The following KHDRBS2 variants were observed in gnomAD, a reference collection of about 807,000 sequenced individuals.
KHDRBS2 encodes the protein KH domain-containing, RNA-binding, signal transduction-associated protein 2.
Under a neutral mutation model 44.3 loss-of-function variants are expected in KHDRBS2, and 26 were observed. That is an observed-to-expected ratio of 0.59 (90% confidence interval 0.43 to 0.81). The LOEUF is 0.81. Ranked by LOEUF, KHDRBS2 falls within the 40% of genes least tolerant of loss-of-function variation. The pLI, the probability that KHDRBS2 is intolerant of heterozygous loss-of-function variation, is 0.00. For synonymous variants in KHDRBS2, 194 were observed against 151.1 expected, an observed-to-expected ratio of 1.28 and a Z score of -2.08; for missense variants, 476 against 433.1, an observed-to-expected ratio of 1.10 and a Z score of -0.88.
intron 6 of KHDRBS2, among the ~76,000 whole-genome samples, chr6:61,836,077 C>A (rs1792625174): frequency 6.6e-6 from 1 of 151,978 alleles, no homozygotes; most frequent in African/African-American, 2.4e-5. Flanking sequence ...TCAAAGTCAT[C>A]TGACTTAGGA....
intron 2 of KHDRBS2, among the ~76,000 whole-genome samples, chr6:62,082,397 A>G (rs1423680998): frequency 6.6e-6 from 1 of 151,866 alleles, no homozygotes; most frequent in African/African-American, 2.4e-5. Context: ...TTGCACATTT[A>G]TGATAAAGTG....
chr6:62,006,791 A>G (rs2127264765), intron 3 of KHDRBS2, among the ~76,000 whole-genome samples: 1 of 152,168 alleles, frequency 6.6e-6, no homozygotes, highest in Non-Finnish European at 1.5e-5. Context: ...AAGACAAAAC[A>G]AGAAAAAATA....
chr6:62,131,840 C>T (rs1810399695), intron 2 of KHDRBS2, among the ~76,000 whole-genome samples: 1 of 152,124 alleles, frequency 6.6e-6, no homozygotes, highest in Non-Finnish European at 1.5e-5. Flanking sequence ...GTGTCTAGTA[C>T]ATTGTCTCAT....
intron 1 of KHDRBS2, among the ~76,000 whole-genome samples, chr6:62,214,443 A>T (rs1158669102): frequency 2.0e-5 from 3 of 147,470 alleles, no homozygotes; most frequent in Non-Finnish European, 3.1e-5. Flanking sequence ...GTAACTTACA[A>T]AAATTATACA....
intron 6 of KHDRBS2, among the ~76,000 whole-genome samples, chr6:61,781,101 T>C (rs541091785): frequency 1.3e-5 from 2 of 152,144 alleles, no homozygotes; most frequent in Non-Finnish European, 2.9e-5. Flanking sequence ...TTGAGGAAAA[T>C]ATGTCTAATC....
At chr6:61,573,263 G>T in the KHDRBS2 span, among the ~76,000 whole-genome samples, 2 of 152,058 alleles carry the variant, frequency 1.3e-5, no homozygotes, top group Non-Finnish European at 2.9e-5. Flanking sequence ...CTTAACTAAG[G>T]AAGTAAAAGA....
In KHDRBS2 at chr6:62,002,214, T is replaced by C. The variant is rs537290522; in HGVS notation, c.337-24002A>G. On this transcript the variant is annotated intron_variant, in intron 3 of 8. Transcript: ENST00000281156. ...AAAAAAAAAAATTCCACCAAAGGTG[T>C]TTGATATTCCTGGGTTTCTAAAATT... 1.2e-4 allele frequency among the ~76,000 whole-genome samples: 19 copies of C among 152,094 alleles called. No homozygotes were observed. In the East Asian group the frequency reaches 3.5e-3, roughly 28 times the overall value.
intron 6 of KHDRBS2, among the ~76,000 whole-genome samples, chr6:61,861,743 T>TGTAAA (rs761611872): frequency 6.6e-6 from 1 of 152,110 alleles, no homozygotes; most frequent in South Asian, 2.1e-4. Flanking sequence ...TTTCTAATTC[T>TGTAAA]GTAAAGGATG....
Position 62,171,160 on chromosome 6 carries a change from G to A in KHDRBS2, c.219+6025C>T, listed in dbSNP as rs145256412. On this transcript the variant is annotated intron_variant, in intron 2 of 8. Coordinates refer to ENST00000281156, the MANE Select transcript of KHDRBS2 (RefSeq NM_152688.4). ...ATGGCAGATACAGAATTCAGGGTAT[G>A]GATAGGAATGAAGATCATAGAGATT... is the stretch of plus-strand genomic sequence containing the variant. Among the ~76,000 whole-genome samples the A allele has an allele frequency of 9.9e-5, 15 of 152,170 alleles. No homozygotes were observed. In the East Asian group the frequency reaches 2.7e-3, roughly 27 times the overall value.
At chr6:62,276,296 T>C (rs1436379053) in intron 1 of KHDRBS2, among the ~76,000 whole-genome samples, 1 of 152,238 alleles carries the variant, frequency 6.6e-6, no homozygotes, top group Non-Finnish European at 1.5e-5. Flanking sequence ...CAAGCTATAC[T>C]GTCTTCTGTT....
intron 6 of KHDRBS2, among the ~76,000 whole-genome samples, chr6:61,825,219 A>G (rs1414195334): frequency 6.6e-6 from 1 of 152,160 alleles, no homozygotes; most frequent in Middle Eastern, 3.2e-3. Context: ...AGCCTTTAAA[A>G]ATTATGTTTT....
At chr6:62,146,098 C>A (rs957872275) in intron 2 of KHDRBS2, among the ~76,000 whole-genome samples, 2 of 151,846 alleles carry the variant, frequency 1.3e-5, no homozygotes, top group Admixed American at 1.3e-4. Context: ...TAAGTCTCTT[C>A]CATATCTCTG....
At chr6:61,787,789 T>C (rs1212313892) in intron 6 of KHDRBS2, among the ~76,000 whole-genome samples, 1 of 151,730 alleles carries the variant, frequency 6.6e-6, no homozygotes, top group Non-Finnish European at 1.5e-5. Flanking sequence ...GAAATGACAG[T>C]GTAATGTTAC....
chr6:61,785,733 A>G (rs1301398613), intron 6 of KHDRBS2, among the ~76,000 whole-genome samples: 1 of 152,054 alleles, frequency 6.6e-6, no homozygotes. Flanking sequence ...TTTAAAATGT[A>G]TTGCTTTAGA....
chr6:62,274,084 C>A (rs560374058), intron 1 of KHDRBS2, among the ~76,000 whole-genome samples: 1 of 151,990 alleles, frequency 6.6e-6, no homozygotes, highest in Non-Finnish European at 1.5e-5. Flanking sequence ...TACAGGTGTG[C>A]GCCACCACAC....
At chr6:62,267,612 T>C (rs1839411964) in intron 1 of KHDRBS2, among the ~76,000 whole-genome samples, 1 of 152,048 alleles carries the variant, frequency 6.6e-6, no homozygotes, top group South Asian at 2.1e-4. Context: ...CAAATTGTAT[T>C]TATTTTTTGT....
intron 6 of KHDRBS2, among the ~76,000 whole-genome samples, chr6:61,893,037 A>C (rs539663960): frequency 6.6e-6 from 1 of 152,302 alleles, no homozygotes; most frequent in East Asian, 1.9e-4. Context: ...ATCTACAATG[A>C]ACTCCAACAA....
intron 3 of KHDRBS2, among the ~76,000 whole-genome samples, chr6:62,011,899 A>G (rs1271940950): frequency 6.6e-6 from 1 of 152,234 alleles, no homozygotes; most frequent in Non-Finnish European, 1.5e-5. Context: ...AAGGTGTTAA[A>G]ACTGTTTTTT....
At chr6:61,872,768 ATGT>A (rs5876756) in intron 6 of KHDRBS2, among the ~76,000 whole-genome samples, 64,087 of 151,676 alleles carry the variant, frequency 0.42, 13,694 homozygotes, top group Admixed American at 0.49. Flanking sequence ...GAACCAAGAC[ATGT>A]TGTGTGACCA....
Sources: gnomAD v4.1 joint callset for allele counts (sites outside exome capture counted in the v4.1 genomes callset) on GRCh38, gnomAD v4.1.1 for gene constraint, MANE v1.5 for transcripts, NCBI Gene and HGNC (gene_info 2026-07-23, HGNC 2026-07-21) for gene names.